Variants in LPAR3 observed in about 807,000 individuals in gnomAD.
The protein encoded by LPAR3 is LPA receptor 3.
Under a neutral mutation model 17.8 loss-of-function variants are expected in LPAR3, and 7 were observed. That is an observed-to-expected ratio of 0.39 (90% CI 0.22 to 0.74). The LOEUF is 0.74. Ranked by LOEUF, LPAR3 falls within the 30% of genes least tolerant of loss-of-function variation. The pLI is 0.40. For synonymous variants in LPAR3, 179 were observed against 179.9 expected (o/e 0.99, Z 0.04); for missense variants, 391 against 453.4 (o/e 0.86, Z 1.25).
chr1:84,891,019 C>T (rs932082099), intron 1 of LPAR3, among the ~76,000 whole-genome samples: 1 of 152,168 alleles, frequency 6.6e-6, no homozygotes, highest in Non-Finnish European at 1.5e-5. Context: ...GTTTCTTAAA[C>T]AGATTCCGGT....
intron 2 of LPAR3, among the ~76,000 whole-genome samples, chr1:84,849,837 T>A (rs1343209067): frequency 1.3e-5 from 2 of 152,210 alleles, no homozygotes; most frequent in Non-Finnish European, 2.9e-5. Context: ...CTAACCCTCA[T>A]GATCCCAGGA....
chr1:84,878,897 C>G (rs1362045318), intron 1 of LPAR3, among the ~76,000 whole-genome samples: 1 of 152,180 alleles, frequency 6.6e-6, no homozygotes, highest in East Asian at 1.9e-4. Flanking sequence ...GCCACTTTAC[C>G]TGAGGCCTAG....
chr1:84,877,001 C>G (rs893549140), intron 1 of LPAR3, among the ~76,000 whole-genome samples: 1 of 152,192 alleles, frequency 6.6e-6, no homozygotes, highest in Non-Finnish European at 1.5e-5. Context: ...ATACTGGAAT[C>G]TACCTCACAA....
At chr1:84,859,956 G>C (rs894766742) in intron 2 of LPAR3, among the ~76,000 whole-genome samples, 4 of 152,208 alleles carry the variant, frequency 2.6e-5, no homozygotes, top group African/African-American at 9.7e-5. Context: ...GATTAGGCTT[G>C]TTGACAAGTA....
At chr1:84,874,113 C>T (rs1057108532) in intron 1 of LPAR3, among the ~76,000 whole-genome samples, 5 of 152,116 alleles carry the variant, frequency 3.3e-5, no homozygotes, top group East Asian at 1.9e-4. Flanking sequence ...TCCTGTTTCA[C>T]GTATCAACAA....
At chr1:84,836,778 G>A (rs1191344183) in intron 2 of LPAR3, among the ~76,000 whole-genome samples, 3 of 152,064 alleles carry the variant, frequency 2.0e-5, no homozygotes, top group Admixed American at 2.0e-4. Flanking sequence ...GAAGACTAAG[G>A]CTAAGTAAAT....
intron 2 of LPAR3, among the ~76,000 whole-genome samples, chr1:84,819,431 G>C (rs552227868): frequency 6.6e-6 from 1 of 152,098 alleles, no homozygotes; most frequent in African/African-American, 2.4e-5. Context: ...TCAGAATCTC[G>C]GGTGGGACAC....
rs1389570066 is a variant in LPAR3, at chr1:84,812,042, A to G, written c.*1804T>C. The G allele has an allele frequency of 6.6e-6, 1 of 152,222 alleles. No homozygotes were observed. Among genetic ancestry groups the G allele is most frequent in the Non-Finnish European group, 1.5e-5 (1 of 68,040 alleles). 9.4% of individuals were successfully genotyped at this position (152,222 alleles called of 1,614,324 possible). A position where few individuals can be genotyped will look rare whatever the true frequency, so the allele number is the denominator to read the frequency against. ...TCAAAATTCAGTTCACATGTAAGCC[A>G]GGTACCAGAAGGATGCCATTAACCT... On this transcript the variant is annotated 3_prime_UTR_variant, in exon 3 of 3. Transcript: ENST00000370611.
intron 2 of LPAR3, among the ~76,000 whole-genome samples, chr1:84,856,977 C>T (rs1281559918): frequency 6.6e-6 from 1 of 152,196 alleles, no homozygotes; most frequent in African/African-American, 2.4e-5. Flanking sequence ...AATGTAAGCA[C>T]AGAGCTTTTC....
chr1:84,885,377 C>T (rs752828174), intron 1 of LPAR3, among the ~76,000 whole-genome samples: 2 of 152,118 alleles, frequency 1.3e-5, no homozygotes, highest in African/African-American at 2.4e-5. Context: ...TACTTGCCAA[C>T]AAGTGTTGGC....
intron 1 of LPAR3, among the ~76,000 whole-genome samples, chr1:84,873,263 C>T (rs1416627496): frequency 1.3e-5 from 2 of 152,148 alleles, no homozygotes; most frequent in African/African-American, 4.8e-5. Context: ...AAATATACCA[C>T]AGTAATGTAA....
At position 84,865,876 on chromosome 1, in the gene LPAR3, G is replaced by C. The variant is rs760366637; in HGVS notation, c.245C>G (p.Ala82Gly). The C allele has an allele frequency of 1.9e-6, 3 of 1,614,158 alleles. No individual in the cohort carries two copies. The highest frequency in any genetic ancestry group is 2.5e-6 in the Non-Finnish European group (3 of 1,180,040). ...LAAADFFAGI[A>G]YVFLMFNTGP... ...TGTGTTAAACATCAGGAATACATAG[G>C]CAATTCCAGCGAAGAAATCGGCAGC... The change falls in exon 2 of 3, where the codon GCC (alanine) becomes GGC (glycine). Residue 82 changes from alanine to glycine, a missense_variant. Physicochemically the swap from Ala to Gly is moderately conservative, Grantham distance 60. Transcript: ENST00000370611.
chr1:84,814,020 C>T lies in LPAR3; in HGVS notation c.888G>A (p.Lys296=), dbSNP rs1658876551. 8.7e-6 allele frequency: 14 copies of T among 1,614,156 alleles called. No individual in the cohort carries two copies. Among genetic ancestry groups the T allele is most frequent in the Non-Finnish European group, 1.2e-5 (14 of 1,180,030 alleles). The change falls in exon 3 of 3, where the codon AAG becomes AAA. Residue 296 remains lysine (K), a synonymous_variant. Transcript: ENST00000370611. ...TCATGGTGCCATACATGTCCTCGTCCTTGTAGGAGTAGATGATGGGGTTCA... is the reference window on the plus strand; with the variant it reads ...TCATGGTGCCATACATGTCCTCGTCTTTGTAGGAGTAGATGATGGGGTTCA... The part of the protein sequence containing the change: ...SVVNPIIYSY[K]DEDMYGTMKK...
chr1:84,890,098 C>T (rs778960812), intron 1 of LPAR3, among the ~76,000 whole-genome samples: 2 of 152,188 alleles, frequency 1.3e-5, no homozygotes, highest in Non-Finnish European at 2.9e-5. Context: ...CCCATCACCA[C>T]CTCTGCCATC....
At chr1:84,848,959 A>G (rs4907102) in intron 2 of LPAR3, among the ~76,000 whole-genome samples, 79,636 of 152,020 alleles carry the variant, frequency 0.52, 20,936 homozygotes, top group East Asian at 0.58. Context: ...AGAACAGTAC[A>G]ATGTCTAGAG....
At chr1:84,815,996 C>T (rs1390192769) in intron 2 of LPAR3, among the ~76,000 whole-genome samples, 1 of 152,172 alleles carries the variant, frequency 6.6e-6, no homozygotes, top group Non-Finnish European at 1.5e-5. Flanking sequence ...TAATTCTTCA[C>T]TTACTGTACA....
At chr1:84,889,995 G>T (rs1408713687) in intron 1 of LPAR3, among the ~76,000 whole-genome samples, 2 of 152,180 alleles carry the variant, frequency 1.3e-5, no homozygotes, top group Non-Finnish European at 2.9e-5. Flanking sequence ...AGTGGGACTA[G>T]GATTCAAAGA....
chr1:84,856,370 T>C (rs4617419), intron 2 of LPAR3, among the ~76,000 whole-genome samples: 5,415 of 152,342 alleles, frequency 0.036, 149 homozygotes, highest in South Asian at 0.073. Context: ...TCACTCAGCA[T>C]TTCTTAAGGC....
chr1:84,831,461 A>G (rs1335511222), intron 2 of LPAR3, among the ~76,000 whole-genome samples: 1 of 152,144 alleles, frequency 6.6e-6, no homozygotes, highest in Non-Finnish European at 1.5e-5. Flanking sequence ...ATCTCTAAAA[A>G]AATAAAATAA....
Sources: allele counts gnomAD v4.1 joint callset (sites outside exome capture counted in the v4.1 genomes callset), GRCh38; gene constraint gnomAD v4.1.1; transcripts MANE v1.5; gene names NCBI Gene and HGNC (gene_info 2026-07-23, HGNC 2026-07-21).